Variants in PDE8B observed in about 807,000 individuals in gnomAD.
PDE8B encodes the protein phosphodiesterase 8B, also known as high affinity cAMP-specific and IBMX-insensitive 3',5'-cyclic phosphodiesterase 8B.
A neutral mutation model predicts 101.3 loss-of-function variants in PDE8B; 26 were observed. The observed-to-expected ratio is 0.26, with a 90% CI of 0.19 to 0.36. The LOEUF (loss-of-function observed/expected upper bound fraction) is 0.36, where lower values mean the gene tolerates loss of function less well. Ranked by LOEUF, PDE8B falls within the 10% of genes least tolerant of loss-of-function variation. The pLI is 1.00. For synonymous variants in PDE8B, 424 were observed against 429.3 expected, an observed-to-expected ratio of 0.99 and a Z score of 0.15; for missense variants, 810 against 1,163.1, an observed-to-expected ratio of 0.70 and a Z score of 4.42.
chr5:77,316,653 C>T (rs1185079946), intron 2 of PDE8B, among the ~76,000 whole-genome samples: 1 of 152,192 alleles, frequency 6.6e-6, no homozygotes, highest in African/African-American at 2.4e-5. Context: ...CTCCTGACAG[C>T]CCCACTCTCC....
At chr5:77,392,764 AG>A (rs1790204986) in intron 10 of PDE8B, among the ~76,000 whole-genome samples, 1 of 152,192 alleles carries the variant, frequency 6.6e-6, no homozygotes, top group African/African-American at 2.4e-5. Flanking sequence ...CTATAGCTTT[AG>A]TAGCAGTACA....
the PDE8B span, among the ~76,000 whole-genome samples, chr5:77,175,449 T>G: frequency 3.5e-3 from 537 of 152,358 alleles, 4 homozygotes; most frequent in African/African-American, 0.012. Flanking sequence ...TCCCCAGATC[T>G]TTGCATTCCC....
intron 3 of PDE8B, 29 bp from the exon 4 acceptor site, chr5:77,328,968 CT>C: frequency 6.3e-7 from 1 of 1,591,280 alleles, no homozygotes; most frequent in South Asian, 1.1e-5. Flanking sequence ...CCCAGATCAC[CT>C]TGTTTGACTT....
the PDE8B span, among the ~76,000 whole-genome samples, chr5:77,094,550 C>G: frequency 6.6e-6 from 1 of 152,182 alleles, no homozygotes; most frequent in Non-Finnish European, 1.5e-5. Flanking sequence ...AAGTGATCCT[C>G]TCATTTTGGC....
At chr5:77,222,301 C>T (rs752155129) in intron 1 of PDE8B, among the ~76,000 whole-genome samples, 9 of 152,044 alleles carry the variant, frequency 5.9e-5, no homozygotes, top group African/African-American at 9.7e-5. Flanking sequence ...TATACTAAGG[C>T]GCTACTCTAG....
At chr5:77,157,530 C>T in the PDE8B span, among the ~76,000 whole-genome samples, 4 of 152,274 alleles carry the variant, frequency 2.6e-5, no homozygotes, top group East Asian at 3.9e-4. Context: ...ACAATCACAA[C>T]GATTCAGGCT....
At chr5:77,145,545 A>G in the PDE8B span, 1 of 152,192 alleles carries the variant, frequency 6.6e-6, no homozygotes, top group Non-Finnish European at 1.5e-5. Flanking sequence ...CTCTCCAGAG[A>G]TTAATGGTGT....
At chr5:77,229,411 A>G (rs1456705176) in intron 1 of PDE8B, among the ~76,000 whole-genome samples, 1 of 152,260 alleles carries the variant, frequency 6.6e-6, no homozygotes, top group Non-Finnish European at 1.5e-5. Flanking sequence ...ATAAAGTGTC[A>G]TGTAACTGAC....
upstream of PDE8B, among the ~76,000 whole-genome samples, chr5:77,205,851 G>C (rs954650738): frequency 7.2e-5 from 11 of 151,918 alleles, no homozygotes; most frequent in African/African-American, 2.7e-4. Context: ...ACTATAAATA[G>C]TAATATTTAT....
At chr5:77,299,911 G>A (rs888446842) in intron 1 of PDE8B, among the ~76,000 whole-genome samples, 5 of 152,208 alleles carry the variant, frequency 3.3e-5, no homozygotes, top group Non-Finnish European at 7.3e-5. Context: ...TGGAACATGA[G>A]AGTTGTAACT....
In PDE8B at chr5:77,401,666, A is replaced by AT. The variant is rs1045915353; in HGVS notation, c.1210+1387dup. The stretch of plus-strand genomic sequence containing the variant: ...AAGTAGGCACTCAGTAAGTGGAGCT[A>AT]TTTTTTTTTTTCAATTGGTGGCACA... On this transcript the variant is annotated intron_variant, in intron 11 of 21. Transcript: ENST00000264917. Among the ~76,000 whole-genome samples the AT allele has an allele frequency of 3.5e-3, 524 of 147,668 alleles. 7 individuals are homozygous for AT. Among genetic ancestry groups the AT allele is most frequent in the South Asian group, 9.0e-3 (42 of 4,658 alleles).
chr5:77,360,101 AAAAG>A (rs1452773887), intron 10 of PDE8B, among the ~76,000 whole-genome samples: 3 of 152,152 alleles, frequency 2.0e-5, no homozygotes, highest in Non-Finnish European at 2.9e-5. Context: ...AAAAAAAAAA[AAAAG>A]AAAGAAAAGT....
the PDE8B span, among the ~76,000 whole-genome samples, chr5:77,204,090 C>G: frequency 7.3e-6 from 1 of 136,524 alleles, no homozygotes; most frequent in Non-Finnish European, 1.5e-5. Flanking sequence ...CTAAGAATAC[C>G]TAAAAACCTC....
At chr5:77,250,398 G>A (rs1342767064) in intron 1 of PDE8B, among the ~76,000 whole-genome samples, 8 of 152,172 alleles carry the variant, frequency 5.3e-5, no homozygotes, top group Admixed American at 5.2e-4. Flanking sequence ...TCCAGGAAGG[G>A]ATGAGGCCCT....
chr5:77,124,501 C>T, the PDE8B span, among the ~76,000 whole-genome samples: 3 of 151,454 alleles, frequency 2.0e-5, no homozygotes, highest in South Asian at 2.1e-4. Flanking sequence ...ATGGGAGGAT[C>T]GCCTGAGCTG....
chr5:77,209,758 C>T (rs1044488613), upstream of PDE8B, among the ~76,000 whole-genome samples: 2 of 152,192 alleles, frequency 1.3e-5, no homozygotes, highest in African/African-American at 2.4e-5. Flanking sequence ...GGATAGAAAC[C>T]AGCATGAACA....
the PDE8B span, chr5:77,100,200 C>T: frequency 6.6e-6 from 1 of 152,228 alleles, no homozygotes; most frequent in South Asian, 2.1e-4. Flanking sequence ...CCAGGCAGGA[C>T]TCACTCACTG....
intron 1 of PDE8B, among the ~76,000 whole-genome samples, chr5:77,212,678 A>C (rs1748747848): frequency 6.6e-6 from 1 of 152,216 alleles, no homozygotes; most frequent in South Asian, 2.1e-4. Flanking sequence ...ATGACAGTAC[A>C]AACCTACCAG....
At chr5:77,128,712 G>A in the PDE8B span, among the ~76,000 whole-genome samples, 15 of 152,328 alleles carry the variant, frequency 9.8e-5, no homozygotes, top group Non-Finnish European at 1.9e-4. Flanking sequence ...GTCAGCACAC[G>A]AAACATCATC....
Sources: gnomAD v4.1 joint callset for allele counts (sites outside exome capture counted in the v4.1 genomes callset) on GRCh38, gnomAD v4.1.1 for gene constraint, MANE v1.5 for transcripts, NCBI Gene and HGNC (gene_info 2026-07-23, HGNC 2026-07-21) for gene names.